Variants in DLG2 observed in about 807,000 individuals in gnomAD.
DLG2 encodes discs large MAGUK scaffold protein 2, also known as disks large homolog 2.
In DLG2, 45 loss-of-function variants were observed where a neutral mutation model predicts 132.5. The observed-to-expected ratio is 0.34, with a 90% CI of 0.27 to 0.44. The LOEUF (loss-of-function observed/expected upper bound fraction) is 0.44. Among genes scored for constraint, DLG2 ranks in the 20% least tolerant of loss-of-function variants. The probability of loss-of-function intolerance (pLI) is 1.00; values close to 1 mark genes in which losing one functional copy is unlikely to be tolerated. For synonymous variants in DLG2, 424 were observed against 419.6 expected (o/e 1.01, Z -0.13); for missense variants, 1,045 against 1,196.9 (o/e 0.87, Z 1.87).
intron 5 of DLG2, among the ~76,000 whole-genome samples, chr11:85,124,015 A>G (rs1035536193): frequency 1.3e-5 from 2 of 152,358 alleles, no homozygotes; most frequent in Admixed American, 1.3e-4. Context: ...AGTGGTAACT[A>G]GCTAATTGAA....
intron 6 of DLG2, among the ~76,000 whole-genome samples, chr11:84,932,492 C>T (rs1485584827): frequency 4.6e-5 from 7 of 152,008 alleles, no homozygotes; most frequent in Non-Finnish European, 1.0e-4. Context: ...ATTGACCTGT[C>T]CTCTAAGTTC....
intron 6 of DLG2, among the ~76,000 whole-genome samples, chr11:84,948,675 A>T (rs1488171354): frequency 6.6e-6 from 1 of 152,214 alleles, no homozygotes; most frequent in Non-Finnish European, 1.5e-5. Flanking sequence ...AAGATACTGG[A>T]AACAATTTCT....
At chr11:85,328,993 A>G (rs1270874052) in intron 3 of DLG2, among the ~76,000 whole-genome samples, 1 of 123,308 alleles carries the variant, frequency 8.1e-6, no homozygotes, top group Non-Finnish European at 1.7e-5. Context: ...AGACAAACAG[A>G]GAGCCAAATC....
chr11:85,079,456 C>G (rs1201495620), intron 6 of DLG2, among the ~76,000 whole-genome samples: 1 of 150,144 alleles, frequency 6.7e-6, no homozygotes, highest in East Asian at 2.0e-4. Context: ...GAGAAGGGAT[C>G]AATTCAGTTG....
At chr11:84,163,410 G>T (rs1326221089) in intron 9 of DLG2, 51 bp downstream of exon 9, 2 of 1,487,494 alleles carry the variant, frequency 1.3e-6, no homozygotes, top group Non-Finnish European at 1.8e-6. Context: ...GATTAGAATA[G>T]AATGTGAAAT....
At chr11:84,059,112 A>C (rs1296615071) in intron 11 of DLG2, among the ~76,000 whole-genome samples, 1 of 152,132 alleles carries the variant, frequency 6.6e-6, no homozygotes, top group Non-Finnish European at 1.5e-5. Context: ...GTTTCTACAT[A>C]AATCTACTCT....
At chr11:83,795,168 G>A (rs1047497551) in intron 17 of DLG2, among the ~76,000 whole-genome samples, 1 of 152,124 alleles carries the variant, frequency 6.6e-6, no homozygotes, top group African/African-American at 2.4e-5. Context: ...CACTTTGGGA[G>A]GCCGAGGTGG....
intron 3 of DLG2, chr11:85,469,473 G>A (rs538392077): frequency 2.0e-5 from 3 of 152,336 alleles, no homozygotes; most frequent in Admixed American, 6.5e-5. Flanking sequence ...TCCAGCCATT[G>A]GATTGTAGGG....
At chr11:84,373,268 A>AAAAAAAAAAAAC (rs1567449347) in intron 7 of DLG2, among the ~76,000 whole-genome samples, 2 of 135,744 alleles carry the variant, frequency 1.5e-5, no homozygotes, top group Non-Finnish European at 3.1e-5. Context: ...AAAAAAACAA[A>AAAAAAAAAAAAC]ACAAAAAAAA....
intron 6 of DLG2, among the ~76,000 whole-genome samples, chr11:84,658,474 G>C (rs1180054721): frequency 6.6e-6 from 1 of 151,904 alleles, no homozygotes; most frequent in East Asian, 1.9e-4. Flanking sequence ...AACTGTAGAG[G>C]GCTCCTGATA....
chr11:85,243,348 T>C (rs2152681651), intron 4 of DLG2, among the ~76,000 whole-genome samples: 1 of 152,128 alleles, frequency 6.6e-6, no homozygotes. Flanking sequence ...AATTCAGAGA[T>C]TCTATTTCAT....
chr11:85,376,580 A>T (rs1565399138), intron 3 of DLG2, among the ~76,000 whole-genome samples: 1 of 152,176 alleles, frequency 6.6e-6, no homozygotes, highest in Non-Finnish European at 1.5e-5. Context: ...AAGACTACTC[A>T]TTTCTGCTAT....
chr11:84,668,547 T>C (rs1228862745), intron 6 of DLG2, among the ~76,000 whole-genome samples: 2 of 152,186 alleles, frequency 1.3e-5, no homozygotes, highest in South Asian at 4.1e-4. Flanking sequence ...ATGGGTTTAC[T>C]GAGCTCTGCA....
At chr11:85,054,699 C>G (rs1042155890) in intron 6 of DLG2, among the ~76,000 whole-genome samples, 1 of 152,198 alleles carries the variant, frequency 6.6e-6, no homozygotes, top group Non-Finnish European at 1.5e-5. Flanking sequence ...AAAACAAAAT[C>G]ATGTCCTTTG....
chr11:83,652,659 A>G (rs1382181846), intron 18 of DLG2, among the ~76,000 whole-genome samples: 1 of 152,170 alleles, frequency 6.6e-6, no homozygotes, highest in Non-Finnish European at 1.5e-5. Flanking sequence ...GGTGTGAGCC[A>G]CTGCGCCTAG....
intron 15 of DLG2, among the ~76,000 whole-genome samples, chr11:83,884,577 G>C (rs1269273506): frequency 6.6e-6 from 1 of 152,218 alleles, no homozygotes; most frequent in East Asian, 1.9e-4. Flanking sequence ...CTGTCGGACA[G>C]CTTTGAAGAG....
chr11:83,691,680 T>C (rs772434824), intron 18 of DLG2, among the ~76,000 whole-genome samples: 5 of 152,176 alleles, frequency 3.3e-5, no homozygotes, highest in Non-Finnish European at 7.3e-5. Flanking sequence ...CAGAAGCCGA[T>C]AGAAGATACT....
chr11:84,521,525 G>A (rs948919220), intron 7 of DLG2, among the ~76,000 whole-genome samples: 11 of 152,194 alleles, frequency 7.2e-5, no homozygotes, highest in African/African-American at 2.7e-4. Context: ...TGAGATGTAA[G>A]TCTAGTGATT....
At chr11:83,534,379 T>C (rs968295359) in intron 20 of DLG2, among the ~76,000 whole-genome samples, 7 of 152,166 alleles carry the variant, frequency 4.6e-5, no homozygotes, top group African/African-American at 1.7e-4. Flanking sequence ...AATTTAAAGA[T>C]GTGGGGGAAA....
Sources: allele counts gnomAD v4.1 joint callset (sites outside exome capture counted in the v4.1 genomes callset), GRCh38; gene constraint gnomAD v4.1.1; transcripts MANE v1.5; gene names NCBI Gene and HGNC (gene_info 2026-07-23, HGNC 2026-07-21).